EIF4E3: variants seen among roughly 807,000 people sequenced by gnomAD.
The protein encoded by EIF4E3 is eukaryotic translation initiation factor 4E type 3.
EIF4E3 carries 26 observed loss-of-function variants against 31.7 expected under a neutral mutation model. That is an observed-to-expected ratio of 0.82 (90% CI 0.60 to 1.14). EIF4E3 has a LOEUF of 1.14. EIF4E3 is among the 50% of genes most tolerant of loss of function. The pLI is 0.00. For synonymous variants in EIF4E3, 128 were observed against 107.7 expected, an observed-to-expected ratio of 1.19 and a Z score of -1.17; for missense variants, 304 against 270.9, an observed-to-expected ratio of 1.12 and a Z score of -0.86.
rs1437154251 is a variant in EIF4E3, at chr3:71,730,592, T to C, written c.-290-1969A>G. On this transcript the variant is annotated intron_variant, in intron 1 of 7. Transcript: ENST00000295612. ...AGGACACTGAGGTCCATGTGGTCAT[T>C]GAGCCTGGAAAATGTGGCCTTGAGG... 2.0e-5 allele frequency among the ~76,000 whole-genome samples: 3 copies of C among 152,220 alleles called. No individual in the cohort carries two copies. In the East Asian group the frequency reaches 5.8e-4, roughly 29 times the overall value.
chr3:71,666,073 G>A, the EIF4E3 span, among the ~76,000 whole-genome samples: 1 of 152,146 alleles, frequency 6.6e-6, no homozygotes, highest in African/African-American at 2.4e-5. Flanking sequence ...GAAGCTAGCA[G>A]AAGACAAGAA....
intron 1 of EIF4E3, among the ~76,000 whole-genome samples, chr3:71,714,056 C>CA (rs1188337120): frequency 1.3e-5 from 2 of 151,924 alleles, no homozygotes; most frequent in Middle Eastern, 3.4e-3. Context: ...ACTAAAAATA[C>CA]AAAAAAATAG....
At chr3:71,704,154 TG>T (rs2049257759) in intron 2 of EIF4E3, among the ~76,000 whole-genome samples, 1 of 152,210 alleles carries the variant, frequency 6.6e-6, no homozygotes, top group South Asian at 2.1e-4. Flanking sequence ...AGCCCAAGTG[TG>T]GAGTTGTGAT....
At chr3:71,749,023 A>T (rs938466687) in intron 1 of EIF4E3, among the ~76,000 whole-genome samples, 2 of 152,258 alleles carry the variant, frequency 1.3e-5, no homozygotes, top group African/African-American at 4.8e-5. Context: ...AGTCAATTAA[A>T]TCATGGTTAG....
At chr3:71,754,580 C>G, upstream of EIF4E3, 2 of 1,405,658 alleles carry the variant, frequency 1.4e-6, no homozygotes, top group Non-Finnish European at 9.3e-7. This position sits in a 1 kb window ranked among gnomAD's most constrained non-coding sequence, Gnocchi z 5.8. Context: ...AGCAGCGGCC[C>G]GACGGCGCCC....
At chr3:71,669,759 G>A in the EIF4E3 span, among the ~76,000 whole-genome samples, 1 of 152,074 alleles carries the variant, frequency 6.6e-6, no homozygotes, top group Non-Finnish European at 1.5e-5. Flanking sequence ...GCTCTGTCTG[G>A]AGTCTCCACA....
At chr3:71,720,113 C>T (rs2049524414) in intron 1 of EIF4E3, among the ~76,000 whole-genome samples, 1 of 150,608 alleles carries the variant, frequency 6.6e-6, no homozygotes, top group African/African-American at 2.4e-5. Context: ...CATAGTTTTC[C>T]TTAAAAAAAA....
Position 71,711,938 on chromosome 3 carries a change from G to A in EIF4E3, c.177-1454C>T, listed in dbSNP as rs113006145. 1.9e-3 allele frequency among the ~76,000 whole-genome samples: 294 copies of A among 152,212 alleles called. 4 individuals are homozygous for A. Among genetic ancestry groups the A allele is most frequent in the African/African-American group, 6.7e-3 (277 of 41,512 alleles). On this transcript the variant is annotated intron_variant, in intron 1 of 6. Coordinates refer to ENST00000425534, the MANE Select transcript of EIF4E3 (RefSeq NM_001134651.2). ...ATGGAGGTTGCAGTGCACCGAGGTCGGGCCACTGTACTCCAGCCCGGGTGA... is the reference window on the plus strand; with the variant it reads ...ATGGAGGTTGCAGTGCACCGAGGTCAGGCCACTGTACTCCAGCCCGGGTGA...
chr3:71,722,778 G>A (rs1035746905), intron 1 of EIF4E3, among the ~76,000 whole-genome samples: 10 of 152,230 alleles, frequency 6.6e-5, no homozygotes, highest in African/African-American at 2.2e-4. Flanking sequence ...GTTTGTTGGG[G>A]TGTGGGTATG....
chr3:71,693,103 A>G (rs2049086167), intron 5 of EIF4E3, among the ~76,000 whole-genome samples: 1 of 152,214 alleles, frequency 6.6e-6, no homozygotes, highest in Admixed American at 6.5e-5. Context: ...AAAGCTGGGG[A>G]AGAAAAATAG....
chr3:71,692,886 C>A (rs78747802), intron 5 of EIF4E3, among the ~76,000 whole-genome samples: 1 of 152,102 alleles, frequency 6.6e-6, no homozygotes, highest in Non-Finnish European at 1.5e-5. Flanking sequence ...TGGGCCACCA[C>A]GCCCAGCGCA....
intron 2 of EIF4E3, among the ~76,000 whole-genome samples, chr3:71,709,623 C>T (rs1208118131): frequency 6.6e-6 from 1 of 152,122 alleles, no homozygotes; most frequent in East Asian, 1.9e-4. Flanking sequence ...TCAAGCAATC[C>T]TCCCACCTTA....
chr3:71,728,597 G>A (rs940370251), upstream of EIF4E3: 3 of 152,904 alleles, frequency 2.0e-5, no homozygotes, highest in African/African-American at 7.2e-5. Flanking sequence ...TGGCAGAAGA[G>A]AGGAAGAGAA....
chr3:71,696,117 C>T (rs553411091), intron 4 of EIF4E3, among the ~76,000 whole-genome samples: 3 of 152,296 alleles, frequency 2.0e-5, no homozygotes, highest in South Asian at 2.1e-4. Context: ...ATCCTGCTTC[C>T]GACTTTGTAA....
chr3:71,697,008 G>A (rs539832369), intron 3 of EIF4E3, among the ~76,000 whole-genome samples: 3 of 149,462 alleles, frequency 2.0e-5, no homozygotes, highest in South Asian at 4.3e-4. Flanking sequence ...GTAAGCCACC[G>A]CACCCGGCCC....
intron 6 of EIF4E3, among the ~76,000 whole-genome samples, 154 bp downstream of exon 6, chr3:71,689,854 TAA>T (rs376899673): frequency 1.4e-5 from 2 of 141,232 alleles, no homozygotes; most frequent in South Asian, 2.3e-4. Context: ...TTGTTTTTTT[TAA>T]AAAAAAAAAA....
intron 1 of EIF4E3, among the ~76,000 whole-genome samples, chr3:71,753,009 G>A (rs982676662): frequency 3.3e-5 from 5 of 152,194 alleles, no homozygotes; most frequent in African/African-American, 1.2e-4. Flanking sequence ...TCTTTTCCCT[G>A]ATATAGGTCC....
In EIF4E3 at chr3:71,699,702, A is replaced by G; in HGVS notation, c.256T>C (p.Trp86Arg). The change falls in exon 3 of 7, where the codon TGG becomes CGG. Residue 86 changes from tryptophan to arginine, a missense_variant. By Grantham distance (101) the Trp-to-Arg change is moderately radical. Coordinates refer to ENST00000425534, the MANE Select transcript of EIF4E3 (RefSeq NM_001134651.2). ...IYTVQTVQIF[W>R]SVYNNIPPVT... ...GGAGGGATATTATTGTATACACTCC[A>G]AAATATCTTTAAAAGAAAAACAAAC... 2 of 1,611,262 alleles carry G rather than the reference A, an allele frequency of 1.2e-6. No individual in the cohort carries two copies. The highest frequency in any genetic ancestry group is 8.5e-7 in the Non-Finnish European group (1 of 1,178,352).
intron 6 of EIF4E3, 95 bp from the exon 7 acceptor site, chr3:71,684,823 C>A: frequency 7.5e-7 from 1 of 1,330,598 alleles, no homozygotes; most frequent in Non-Finnish European, 1.0e-6. Flanking sequence ...ATTCAGCTTC[C>A]CCAAATGTTG....
Sources: gnomAD v4.1 joint callset for allele counts (sites outside exome capture counted in the v4.1 genomes callset) on GRCh38, gnomAD v4.1.1 for gene constraint, Gnocchi (gnomAD v3.1) non-coding constraint, MANE v1.5 for transcripts, NCBI Gene and HGNC (gene_info 2026-07-23, HGNC 2026-07-21) for gene names.